GHR: variants seen among roughly 807,000 people sequenced by gnomAD.
The protein encoded by GHR is growth hormone receptor.
A neutral mutation model predicts 67.1 loss-of-function variants in GHR; 35 were observed. That is an observed-to-expected ratio of 0.52 (90% confidence interval 0.40 to 0.69). The LOEUF is 0.69. GHR is among the 30% of genes least tolerant of loss of function. GHR has a pLI of 0.00. For missense variants in GHR, 792 were observed against 764.6 expected, an observed-to-expected ratio of 1.04 and a Z score of -0.42; for synonymous variants, 272 against 269.1, an observed-to-expected ratio of 1.01 and a Z score of -0.10.
chr5:42,474,277 A>AAG lies in GHR; in HGVS notation c.-12+50324_-12+50325dup, dbSNP rs764639919. On this transcript the variant is annotated intron_variant, in intron 1 of 9. Coordinates refer to ENST00000230882, the MANE Select transcript of GHR (RefSeq NM_000163.5). ...ACAGACAGAAAGAAAGAAAGAAAGA[A>AAG]AGAAAGAAAAAGAGAAAGAGAAAGA... 4.0e-3 allele frequency among the ~76,000 whole-genome samples: 444 copies of AAG among 110,750 alleles called. 3 individuals carry two copies. The highest frequency in any genetic ancestry group is 0.015 in the African/African-American group (430 of 27,858). 72.7% of individuals were successfully genotyped at this position (110,750 alleles called of 152,430 possible). A position where few individuals can be genotyped will look rare whatever the true frequency, so the allele number is the denominator to read the frequency against.
At chr5:42,436,665 T>A (rs2111930298) in intron 1 of GHR, among the ~76,000 whole-genome samples, 1 of 152,360 alleles carries the variant, frequency 6.6e-6, no homozygotes, top group East Asian at 1.9e-4. Flanking sequence ...TAAAGTATTT[T>A]ATGATTGTAT....
rs1246587462 is a variant in GHR at position 42,694,829 on chromosome 5, T to C, written c.267-88T>C. The C allele has an allele frequency of 2.0e-5, 19 of 962,866 alleles. No homozygotes were observed. In the South Asian group the frequency reaches 2.5e-4, roughly 13 times the overall value. 59.6% of individuals were successfully genotyped at this position (962,866 alleles called of 1,614,324 possible). On this transcript the variant is annotated intron_variant, in intron 4 of 9. Coordinates refer to ENST00000230882, the MANE Select transcript of GHR (RefSeq NM_000163.5). ...CACAAAATATTTGTCTTCCAATTTA[T>C]TGAATCAGACTATCAAGCACCTTAC...
intron 2 of GHR, among the ~76,000 whole-genome samples, chr5:42,621,252 G>T (rs1354872924): frequency 6.6e-6 from 1 of 152,086 alleles, no homozygotes; most frequent in Non-Finnish European, 1.5e-5. Flanking sequence ...GGCCAGCTGA[G>T]AGCCAGCATT....
At chr5:42,466,491 C>T (rs1167486372) in intron 1 of GHR, among the ~76,000 whole-genome samples, 4 of 152,198 alleles carry the variant, frequency 2.6e-5, no homozygotes, top group African/African-American at 9.7e-5. Context: ...CTAGAATACA[C>T]GGTTCAACCA....
At chr5:42,579,138 GATGATAGATAGATATAGAT>G (rs1750986022) in intron 2 of GHR, among the ~76,000 whole-genome samples, 2 of 44,622 alleles carry the variant, frequency 4.5e-5, no homozygotes, top group Admixed American at 1.9e-4. Context: ...TAGATAGATA[GATGATAGATAGATATAGAT>G]AGATAGATAG....
At chr5:42,698,190 G>C (rs767997200) in intron 5 of GHR, among the ~76,000 whole-genome samples, 6 of 152,126 alleles carry the variant, frequency 3.9e-5, no homozygotes, top group Non-Finnish European at 8.8e-5. Flanking sequence ...ATAGCATGTA[G>C]ATTTATGTAT....
At chr5:42,682,188 A>G (rs923208219) in intron 3 of GHR, among the ~76,000 whole-genome samples, 25 of 152,120 alleles carry the variant, frequency 1.6e-4, no homozygotes, top group Non-Finnish European at 2.9e-5. Flanking sequence ...CAAACACCAC[A>G]TGTGTGTTCC....
chr5:42,667,516 T>C (rs1305083629), intron 3 of GHR, among the ~76,000 whole-genome samples: 2 of 152,168 alleles, frequency 1.3e-5, no homozygotes, highest in Admixed American at 6.5e-5. Flanking sequence ...CTGGGGCATT[T>C]TGAAAAATAC....
rs989348046 is a variant in GHR at position 42,607,816 on chromosome 5, A to G, written c.71-21222A>G. 3.9e-5 allele frequency among the ~76,000 whole-genome samples: 6 copies of G among 152,324 alleles called. No individual in the cohort carries two copies. The South Asian group carries it at 1.0e-3, about 26-fold the overall frequency. On this transcript the variant is annotated intron_variant, in intron 2 of 9. Coordinates refer to ENST00000230882, the MANE Select transcript of GHR (RefSeq NM_000163.5). ...TTAACACGAGAATAGCAGAAGTTTG[A>G]TGTTGGTTAGAACTTACTACCAACT...
chr5:42,693,460 T>C (rs1170522422), intron 4 of GHR, among the ~76,000 whole-genome samples: 2 of 151,750 alleles, frequency 1.3e-5, no homozygotes, highest in African/African-American at 4.8e-5. Context: ...CTTTTAAGAG[T>C]CTCAACCAAA....
intron 3 of GHR, among the ~76,000 whole-genome samples, chr5:42,638,949 A>C (rs1754336044): frequency 6.6e-6 from 1 of 152,184 alleles, no homozygotes; most frequent in African/African-American, 2.4e-5. Context: ...AGGCAACGGA[A>C]ACGTCACCTT....
chr5:42,577,272 A>G (rs1229776303), intron 2 of GHR, among the ~76,000 whole-genome samples: 1 of 152,250 alleles, frequency 6.6e-6, no homozygotes, highest in Non-Finnish European at 1.5e-5. Flanking sequence ...GGAGAAAACC[A>G]GTGGACAAGA....
chr5:42,467,631 A>T (rs1388261530), intron 1 of GHR: 1 of 1,606,322 alleles, frequency 6.2e-7, no homozygotes, highest in Non-Finnish European at 8.5e-7. Flanking sequence ...ATTTTGAGCA[A>T]ACATAAGGTT....
intron 1 of GHR, among the ~76,000 whole-genome samples, chr5:42,505,182 T>C (rs1460077695): frequency 6.6e-6 from 1 of 151,514 alleles, no homozygotes; most frequent in South Asian, 2.1e-4. Context: ...ATTTTAAATC[T>C]ATTATACTTT....
In GHR at chr5:42,466,737, T is replaced by A. The variant is rs1744749791; in HGVS notation, c.-12+42782T>A. 2.0e-5 allele frequency among the ~76,000 whole-genome samples: 3 copies of A among 152,236 alleles called. No individual in the cohort carries two copies. In the South Asian group the frequency reaches 6.2e-4, roughly 32 times the overall value. On this transcript the variant is annotated intron_variant, in intron 1 of 9. Transcript: ENST00000230882. ...TTTAAATTAACTGCTGAAATGTTTA[T>A]CTTGTGTTTTGTGCTGCATTCCTGA...
chr5:42,598,642 C>T (rs903491017), intron 2 of GHR, among the ~76,000 whole-genome samples: 1 of 152,152 alleles, frequency 6.6e-6, no homozygotes, highest in Non-Finnish European at 1.5e-5. Context: ...CTTTTATCAC[C>T]TAAGTTACTG....
intron 2 of GHR, among the ~76,000 whole-genome samples, chr5:42,625,270 G>C (rs1015263849): frequency 6.6e-6 from 1 of 152,006 alleles, no homozygotes; most frequent in Non-Finnish European, 1.5e-5. Context: ...ATCAGAAATA[G>C]ATTTCTTGGC....
At chr5:42,464,014 AAAGAAAAAG>A (rs1744614631) in intron 1 of GHR, among the ~76,000 whole-genome samples, 1 of 127,144 alleles carries the variant, frequency 7.9e-6, no homozygotes, top group African/African-American at 3.3e-5. Context: ...AAAAAAAAAA[AAAGAAAAAG>A]AAATAATTTA....
chr5:42,449,285 T>C (rs1220113615), intron 1 of GHR, among the ~76,000 whole-genome samples: 1 of 152,240 alleles, frequency 6.6e-6, no homozygotes, highest in Non-Finnish European at 1.5e-5. Context: ...TGTTTCCATT[T>C]GTTTGTGTCA....
Sources: allele counts gnomAD v4.1 joint callset (sites outside exome capture counted in the v4.1 genomes callset), GRCh38; gene constraint gnomAD v4.1.1; transcripts MANE v1.5; gene names NCBI Gene and HGNC (gene_info 2026-07-23, HGNC 2026-07-21).